The following PRKG1 variants were observed in gnomAD, a reference collection of about 807,000 sequenced individuals.
The protein encoded by PRKG1 is cGMP-dependent protein kinase 1.
In PRKG1, 35 loss-of-function variants were observed where a neutral mutation model predicts 88.1. That is an observed-to-expected ratio of 0.40 (90% CI 0.30 to 0.53). The LOEUF (loss-of-function observed/expected upper bound fraction) is 0.53, where lower values mean the gene tolerates loss of function less well. Among genes scored for constraint, PRKG1 ranks in the 20% least tolerant of loss-of-function variants. PRKG1 has a pLI of 0.59. For synonymous variants in PRKG1, 303 were observed against 292.5 expected (o/e 1.04, Z -0.37); for missense variants, 540 against 839.8 (o/e 0.64, Z 4.41).
chr10:51,502,397 A>T (rs1476693625), intron 3 of PRKG1, among the ~76,000 whole-genome samples: 1 of 152,168 alleles, frequency 6.6e-6, no homozygotes, highest in East Asian at 1.9e-4. Flanking sequence ...CTATCTGAAC[A>T]CATCTAGGTT....
intron 5 of PRKG1, among the ~76,000 whole-genome samples, chr10:51,944,828 T>C (rs1344108075): frequency 6.6e-6 from 1 of 152,066 alleles, no homozygotes; most frequent in African/African-American, 2.4e-5. Context: ...GATAGTTTGT[T>C]GTAATTTCTG....
chr10:52,047,980 A>G (rs1185772181), intron 5 of PRKG1, among the ~76,000 whole-genome samples: 1 of 152,100 alleles, frequency 6.6e-6, no homozygotes, highest in Non-Finnish European at 1.5e-5. Context: ...GTCATGCTTT[A>G]GTTGAGATGT....
chr10:51,760,675 T>C (rs1331733577), intron 3 of PRKG1, among the ~76,000 whole-genome samples: 1 of 151,964 alleles, frequency 6.6e-6, no homozygotes, highest in Admixed American at 6.5e-5. Flanking sequence ...TTTCACCATG[T>C]TGGCCAGTCT....
At position 51,436,777 on chromosome 10, in the gene PRKG1, T is replaced by C. The variant is rs1588956460; in HGVS notation, c.479-30946T>C. ...ATTAAGCAATGGTTGTAAACTTCTT[T>C]GCCTGCACATAGTGGCCACTCAACT... On this transcript the variant is annotated intron_variant, in intron 2 of 17. Transcript: ENST00000373980. 2.0e-5 allele frequency among the ~76,000 whole-genome samples: 3 copies of C among 152,200 alleles called. No individual in the cohort carries two copies. In the South Asian group the frequency reaches 6.2e-4, roughly 31 times the overall value.
intron 5 of PRKG1, among the ~76,000 whole-genome samples, chr10:52,039,778 A>C (rs4335486): frequency 1 from 152,006 of 152,270 alleles, 75,871 homozygotes; most frequent in Middle Eastern, 1. Flanking sequence ...TTAGCTCTGG[A>C]AAATACACTA....
chr10:51,242,695 AT>A (rs1334155114), intron 2 of PRKG1, among the ~76,000 whole-genome samples: 4 of 152,152 alleles, frequency 2.6e-5, no homozygotes, highest in African/African-American at 9.7e-5. Flanking sequence ...GTTACAAAGA[AT>A]GGGAGAGGAG....
chr10:51,003,476 A>G (rs1359190974), intron 1 of PRKG1, among the ~76,000 whole-genome samples: 1 of 152,186 alleles, frequency 6.6e-6, no homozygotes, highest in Non-Finnish European at 1.5e-5. Context: ...AAAAGAAGAA[A>G]AAGTTTCTGT....
At chr10:51,865,068 A>T (rs577757002) in intron 4 of PRKG1, among the ~76,000 whole-genome samples, 1 of 152,252 alleles carries the variant, frequency 6.6e-6, no homozygotes, top group African/African-American at 2.4e-5. Context: ...GAATTATAGG[A>T]GGATTTCACA....
Position 51,852,213 on chromosome 10 carries a change from G to GTGTATATATATATATATATATATA in PRKG1, c.698+47524_698+47525insGTATATATATATATATATATATAT, listed in dbSNP as rs1554848714. 1.3e-3 allele frequency among the ~76,000 whole-genome samples: 180 copies of GTGTATATATATATATATATATATA among 143,266 alleles called. 1 individual carries two copies. The highest frequency in any genetic ancestry group is 4.6e-3 in the African/African-American group (174 of 37,868). The allele number at this position is 143,266 out of a possible 152,430, so 94.0% of individuals were successfully genotyped here. On this transcript the variant is annotated intron_variant, in intron 4 of 17. Transcript: ENST00000373980. ...TTAGGCAAACCTAAGTTTTATATGT[G>GTGTATATATATATATATATATATA]TATATATATATATATACACACACAC...
chr10:51,290,572 A>G (rs552997801), intron 2 of PRKG1, among the ~76,000 whole-genome samples: 2 of 152,326 alleles, frequency 1.3e-5, no homozygotes, highest in South Asian at 2.1e-4. Flanking sequence ...AAATAATTGT[A>G]TGCTTCAGGA....
chr10:51,408,461 AG>A (rs1837985552), intron 2 of PRKG1, among the ~76,000 whole-genome samples: 2 of 152,234 alleles, frequency 1.3e-5, no homozygotes, highest in African/African-American at 2.4e-5. Flanking sequence ...TAGTCTTGGC[AG>A]AAGCATTGCA....
intron 1 of PRKG1, among the ~76,000 whole-genome samples, chr10:51,056,558 G>T (rs1170630356): frequency 6.6e-6 from 1 of 152,134 alleles, no homozygotes; most frequent in African/African-American, 2.4e-5. Flanking sequence ...TATGGCAGCA[G>T]CTTCCTAACC....
At chr10:51,230,529 T>C (rs1838816393) in intron 2 of PRKG1, among the ~76,000 whole-genome samples, 1 of 152,174 alleles carries the variant, frequency 6.6e-6, no homozygotes, top group Non-Finnish European at 1.5e-5. Context: ...GTGTGAAAAA[T>C]GTCTGGTCCA....
intron 5 of PRKG1, among the ~76,000 whole-genome samples, chr10:51,913,682 T>C (rs1397516274): frequency 1.3e-5 from 2 of 152,196 alleles, no homozygotes; most frequent in Non-Finnish European, 2.9e-5. Flanking sequence ...GAAAGACAAG[T>C]TCAAGTAATT....
intron 4 of PRKG1, among the ~76,000 whole-genome samples, chr10:51,880,005 C>T (rs1412844401): frequency 6.6e-6 from 1 of 152,206 alleles, no homozygotes; most frequent in Non-Finnish European, 1.5e-5. Flanking sequence ...GAGATTTCTG[C>T]ATTGCACAGT....
intron 2 of PRKG1, among the ~76,000 whole-genome samples, chr10:51,211,253 C>T (rs946510705): frequency 6.6e-6 from 1 of 152,044 alleles, no homozygotes; most frequent in African/African-American, 2.4e-5. Flanking sequence ...AGGCCTTTGA[C>T]AAAATTCAAC....
At chr10:51,206,814 T>C (rs1053326300) in intron 2 of PRKG1, among the ~76,000 whole-genome samples, 1 of 152,170 alleles carries the variant, frequency 6.6e-6, no homozygotes, top group African/African-American at 2.4e-5. Flanking sequence ...ACTTTACTAA[T>C]TGGGACAGGG....
intron 3 of PRKG1, among the ~76,000 whole-genome samples, chr10:51,730,851 A>G (rs1285601300): frequency 6.6e-6 from 1 of 152,188 alleles, no homozygotes; most frequent in Non-Finnish European, 1.5e-5. Flanking sequence ...CTATTAATGT[A>G]TTTCAACTTA....
chr10:52,269,883 T>A (rs1841671977), intron 10 of PRKG1, among the ~76,000 whole-genome samples: 1 of 152,062 alleles, frequency 6.6e-6, no homozygotes, highest in Admixed American at 6.6e-5. Context: ...GGAAGATCCA[T>A]GCCTCCTCTG....
Sources: gnomAD v4.1 joint callset for allele counts (sites outside exome capture counted in the v4.1 genomes callset) on GRCh38, gnomAD v4.1.1 for gene constraint, MANE v1.5 for transcripts, NCBI Gene and HGNC (gene_info 2026-07-23, HGNC 2026-07-21) for gene names.